CHID1: variants seen among roughly 807,000 people sequenced by gnomAD.
CHID1 encodes the protein chitinase domain containing 1, also known as chitinase domain-containing protein 1.
In CHID1, 44 loss-of-function variants were observed where a neutral mutation model predicts 55.4. The ratio of observed to expected loss-of-function variants is 0.79; its 90% CI spans 0.62 to 1.02. CHID1 has a LOEUF of 1.02. Among genes scored for constraint, CHID1 ranks in the 50% least tolerant of loss-of-function variants. CHID1 has a pLI of 0.00. For synonymous variants in CHID1, 216 were observed against 212.9 expected (o/e 1.01, Z -0.13); for missense variants, 491 against 515.3 (o/e 0.95, Z 0.46).
intron 8 of CHID1, among the ~76,000 whole-genome samples, chr11:887,201 A>C (rs1258420592): frequency 6.6e-6 from 1 of 151,624 alleles, no homozygotes; most frequent in Non-Finnish European, 1.5e-5. Context: ...CTAACTTTTA[A>C]ATTTTTTGTA....
At chr11:885,654 A>C (rs1395436333) in intron 8 of CHID1, among the ~76,000 whole-genome samples, 2 of 152,060 alleles carry the variant, frequency 1.3e-5, no homozygotes, top group Non-Finnish European at 2.9e-5. Context: ...CCAGTTGTCC[A>C]CTGGAACCTT....
chr11:883,959 G>T, intron 9 of CHID1, 109 bp downstream of exon 9: 1 of 867,270 alleles, frequency 1.2e-6, no homozygotes, highest in African/African-American at 1.7e-5. Flanking sequence ...CTTGTGCACA[G>T]AACCACAGGC....
intron 7 of CHID1, among the ~76,000 whole-genome samples, chr11:896,225 A>ATGAGC (rs1851275769): frequency 3.8e-5 from 2 of 52,178 alleles, no homozygotes; most frequent in Middle Eastern, 0.02. Flanking sequence ...CAGACACGAA[A>ATGAGC]CTGTCTCAGG....
At chr11:912,463 G>C (rs114389863), upstream of CHID1, among the ~76,000 whole-genome samples, 3,914 of 152,304 alleles carry the variant, frequency 0.026, 167 homozygotes, top group African/African-American at 0.088. Context: ...CCGGGTTCCT[G>C]GGGGAGTCTT....
At chr11:898,564 C>T (rs1175281494) in intron 7 of CHID1, among the ~76,000 whole-genome samples, 2 of 152,342 alleles carry the variant, frequency 1.3e-5, no homozygotes, top group African/African-American at 4.8e-5. Context: ...TGTCCCCCTG[C>T]TATCTTTTGC....
At chr11:910,589 G>C (rs1410013299) in intron 1 of CHID1, 186 bp downstream of exon 1, 1 of 1,190,748 alleles carries the variant, frequency 8.4e-7, no homozygotes, top group East Asian at 9.8e-5. Flanking sequence ...TCTCACCCTC[G>C]TCCTCACACC....
intron 8 of CHID1, among the ~76,000 whole-genome samples, chr11:890,230 A>C (rs1015063301): frequency 6.6e-6 from 1 of 152,188 alleles, no homozygotes; most frequent in African/African-American, 2.4e-5. Flanking sequence ...ACGGTCCCCC[A>C]CAGAGGCCTC....
At chr11:873,780 C>A (rs1390872431) in intron 10 of CHID1, among the ~76,000 whole-genome samples, 1 of 152,052 alleles carries the variant, frequency 6.6e-6, no homozygotes, top group Non-Finnish European at 1.5e-5. Flanking sequence ...GCGGGCTGTA[C>A]AATTCTGGAA....
Position 878,800 on chromosome 11 carries a change from C to T in CHID1, c.959+4348G>A, listed in dbSNP as rs368321740. On this transcript the variant is annotated intron_variant, in intron 10 of 12. Transcript: ENST00000323578. ...CACTGCAACGTCTGCCTCCCGGGTCCAAGTGATTCTCCTGTCTCAGCCTCC... is the reference window on the plus strand; with the variant it reads ...CACTGCAACGTCTGCCTCCCGGGTCTAAGTGATTCTCCTGTCTCAGCCTCC... Among the ~76,000 whole-genome samples the T allele has an allele frequency of 4.0e-4, 60 of 151,892 alleles. No individual in the cohort carries two copies. In the South Asian group the frequency reaches 0.013, roughly 32 times the overall value.
Position 899,363 on chromosome 11 carries a change from G to T in CHID1, c.585C>A (p.Asn195Lys), listed in dbSNP as rs746151251. The change falls in exon 7 of 13, where the codon AAC becomes AAA. Residue 195 changes from asparagine to lysine, a missense_variant. Physicochemically the swap from Asn to Lys is moderately conservative, Grantham distance 94. Coordinates refer to ENST00000323578, the MANE Select transcript of CHID1 (RefSeq NM_023947.4). ...ACACGCGCTTCTGGCTTAGCAGCTG[G>T]TTCCAGACCTCCACCACGAAGCCAT... ...HFDGFVVEVW[N>K]QLLSQKRVGL... is the part of the protein sequence containing the mutation. 1.2e-6 allele frequency: 2 copies of T among 1,604,940 alleles called. No individual in the cohort carries two copies. Among genetic ancestry groups the T allele is most frequent in the Middle Eastern group, 1.7e-4 (1 of 6,048 alleles).
At chr11:902,789 C>T (rs1851916627) in intron 3 of CHID1, among the ~76,000 whole-genome samples, 173 bp downstream of exon 3, 1 of 152,196 alleles carries the variant, frequency 6.6e-6, no homozygotes, top group Non-Finnish European at 1.5e-5. Context: ...GGGTCTTACA[C>T]TCTGACATCT....
chr11:885,662 C>T (rs1239111030), intron 8 of CHID1, among the ~76,000 whole-genome samples: 2 of 152,184 alleles, frequency 1.3e-5, no homozygotes, highest in Non-Finnish European at 2.9e-5. Flanking sequence ...CCACTGGAAC[C>T]TTCCTGCCCT....
At chr11:913,007 T>G, upstream of CHID1, among the ~76,000 whole-genome samples, 1 of 152,142 alleles carries the variant, frequency 6.6e-6, no homozygotes, top group Non-Finnish European at 1.5e-5. Flanking sequence ...TATTTTATGT[T>G]TTTGGAACAT....
intron 6 of CHID1, 136 bp downstream of exon 6, chr11:899,868 G>A: frequency 1.6e-6 from 1 of 635,482 alleles, no homozygotes; most frequent in East Asian, 2.7e-5. Flanking sequence ...TTCCCTGGAA[G>A]ATGGGGGCTG....
intron 10 of CHID1, among the ~76,000 whole-genome samples, chr11:882,752 G>C (rs1381550805): frequency 6.6e-6 from 1 of 152,228 alleles, no homozygotes; most frequent in Admixed American, 6.5e-5. Context: ...ATGCCAACAA[G>C]AAACCACACT....
rs1209224872 is a variant in CHID1 at position 902,182 on chromosome 11, C to G, written c.394+16G>C. The G allele has an allele frequency of 1.2e-6, 2 of 1,613,460 alleles. No homozygotes were observed. The highest frequency in any genetic ancestry group is 1.7e-6 in the Non-Finnish European group (2 of 1,179,640). ...AGCCTGTGGGGCAAGCACAGTCAAG[C>G]AGGAAGGATGAGAACCTTGGTCCAC... On this transcript the variant is annotated intron_variant, in intron 4 of 12. Transcript: ENST00000323578.
In CHID1 at chr11:893,428, CG is replaced by C. The variant is rs1449013855; in HGVS notation, c.699del (p.Thr235ProfsTer25). 1 of 1,549,464 alleles carries C rather than the reference CG, an allele frequency of 6.5e-7. No homozygotes were observed. The highest frequency in any genetic ancestry group is 2.4e-5 in the East Asian group (1 of 41,302). On this transcript the variant is annotated frameshift_variant and splice_region_variant, in exon 8 of 13. Coordinates refer to ENST00000323578, the MANE Select transcript of CHID1 (RefSeq NM_023947.4). LOFTEE classifies it high-confidence loss of function. Reference protein sequence around the residue: ...ALLVIPPAITPGTDQLGMFTH... With the variant: ...ALLVIPPAITXGTDQLGMFTH... ...CCACATCTCAAGAGCGGCACTTACC[CG>C]GGGGTGATGGCAGGCGGGATGACCA...
chr11:891,570 C>A (rs1243457755), intron 8 of CHID1, among the ~76,000 whole-genome samples: 4 of 152,218 alleles, frequency 2.6e-5, no homozygotes, highest in Non-Finnish European at 5.9e-5. Context: ...CTGGTCCCCA[C>A]CGATGGCTGC....
At chr11:910,925 G>T, upstream of CHID1, 1 of 781,338 alleles carries the variant, frequency 1.3e-6, no homozygotes, top group Non-Finnish European at 1.6e-6. Context: ...ACTGGGCAGG[G>T]CTGCCCGAAA....
Sources: gnomAD v4.1 joint callset for allele counts (sites outside exome capture counted in the v4.1 genomes callset) on GRCh38, gnomAD v4.1.1 for gene constraint, MANE v1.5 for transcripts, NCBI Gene and HGNC (gene_info 2026-07-23, HGNC 2026-07-21) for gene names.